ALKBH8: variants seen among roughly 807,000 people sequenced by gnomAD.
ALKBH8 encodes the protein alkB homolog 8, tRNA methyltransferase, also known as tRNA (carboxymethyluridine(34)-5-O)-methyltransferase ALKBH8.
Under a neutral mutation model 59.8 loss-of-function variants are expected in ALKBH8, and 36 were observed. The observed-to-expected ratio is 0.60, with a 90% CI of 0.46 to 0.79. The LOEUF (loss-of-function observed/expected upper bound fraction) is 0.79. ALKBH8 is among the 30% of genes least tolerant of loss of function. The pLI, the probability that ALKBH8 is intolerant of heterozygous loss-of-function variation, is 0.00. For missense variants in ALKBH8, 768 were observed against 801.0 expected (o/e 0.96, Z 0.50); for synonymous variants, 276 against 273.6 (o/e 1.01, Z -0.09).
At chr11:107,556,149 A>G (rs1176104682) in intron 3 of ALKBH8, among the ~76,000 whole-genome samples, 1 of 152,078 alleles carries the variant, frequency 6.6e-6, no homozygotes, top group East Asian at 1.9e-4. Context: ...ATGGTGGCAC[A>G]TGCCTGTAAT....
chr11:107,524,835 A>G (rs141952793), intron 9 of ALKBH8, among the ~76,000 whole-genome samples: 20 of 152,204 alleles, frequency 1.3e-4, no homozygotes, highest in Admixed American at 1.3e-3. Flanking sequence ...TATTATTACT[A>G]TCATTACAAA....
chr11:107,524,251 A>AG lies in ALKBH8; in HGVS notation c.1030+1189dup, dbSNP rs1256260504. Reference sequence around the variant, plus strand: ...ATTTTGATTTTATTTTTTTGCAGACAGGGGGTCTTCCTATGTTGTCCAAGC... The same window carrying AG: ...ATTTTGATTTTATTTTTTTGCAGACAGGGGGGTCTTCCTATGTTGTCCAAGC... On this transcript the variant is annotated intron_variant, in intron 9 of 11. Transcript: ENST00000428149. Among the ~76,000 whole-genome samples the AG allele has an allele frequency of 3.3e-5, 5 of 151,984 alleles. No individual in the cohort carries two copies. The South Asian group carries it at 6.2e-4, about 19-fold the overall frequency.
chr11:107,561,188 A>G (rs971794730), intron 1 of ALKBH8, among the ~76,000 whole-genome samples: 1 of 152,196 alleles, frequency 6.6e-6, no homozygotes, highest in Non-Finnish European at 1.5e-5. Flanking sequence ...TTTACTTATG[A>G]GGTCCTAAGT....
At position 107,504,605 on chromosome 11, in the gene ALKBH8, T is replaced by A; in HGVS notation, c.*53A>T. The A allele has an allele frequency of 7.1e-7, 1 of 1,416,748 alleles. No homozygotes were observed. Among genetic ancestry groups the A allele is most frequent in the East Asian group, 2.5e-5 (1 of 39,810 alleles). 87.8% of individuals were successfully genotyped at this position (1,416,748 alleles called of 1,614,324 possible). ...AAAAGGGTAATTAATTTATTCTCTC[T>A]TTTTTTTTAAGTGAGCATTTCTTCT... On this transcript the variant is annotated 3_prime_UTR_variant, in exon 12 of 12. Coordinates refer to ENST00000428149, the MANE Select transcript of ALKBH8 (RefSeq NM_138775.3).
intron 7 of ALKBH8, among the ~76,000 whole-genome samples, chr11:107,541,838 T>C (rs1302946651): frequency 2.0e-5 from 3 of 152,130 alleles, no homozygotes; most frequent in Non-Finnish European, 2.9e-5. Context: ...CAAAGATGCT[T>C]ACCATGTTTA....
At chr11:107,548,396 C>T (rs955261884) in intron 7 of ALKBH8, among the ~76,000 whole-genome samples, 39 of 152,208 alleles carry the variant, frequency 2.6e-4, no homozygotes, top group African/African-American at 9.2e-4. Flanking sequence ...AAAGTTAACA[C>T]TCTGATCTCG....
In ALKBH8 at chr11:107,565,660, T is replaced by TC; in HGVS notation, c.-67dup. On this transcript the variant is annotated 5_prime_UTR_variant, in exon 1 of 12. It removes the in-frame stop codon of an upstream open reading frame in the 5' UTR. Transcript: ENST00000428149. The stretch of plus-strand genomic sequence containing the variant: ...GTGTGCCTTCTTCTTTGCCAGCCTC[T>TC]CCACTCTAGCACCAGAACACCGCAG... 3.9e-6 allele frequency: 6 copies of TC among 1,535,672 alleles called. No homozygotes were observed. The highest frequency in any genetic ancestry group is 1.7e-4 in the Middle Eastern group (1 of 5,990).
In ALKBH8 at chr11:107,559,750, G is replaced by A. The variant is rs1023480340; in HGVS notation, c.129+1015C>T. Among the ~76,000 whole-genome samples the A allele has an allele frequency of 4.6e-5, 7 of 152,122 alleles. No homozygotes were observed. In the East Asian group the frequency reaches 1.3e-3, roughly 29 times the overall value. ...GACATTAATATTTAACTCCAAGTAT[G>A]GGCCTTTTACCTCCTAAATTCAAAT... On this transcript the variant is annotated intron_variant, in intron 2 of 11. Coordinates refer to ENST00000428149, the MANE Select transcript of ALKBH8 (RefSeq NM_138775.3).
At chr11:107,545,679 C>G (rs1465986852) in intron 7 of ALKBH8, among the ~76,000 whole-genome samples, 1 of 152,212 alleles carries the variant, frequency 6.6e-6, no homozygotes, top group Non-Finnish European at 1.5e-5. Context: ...ATAGCTCTCT[C>G]TCTCTTCAAT....
At chr11:107,536,058 A>G (rs936323673) in intron 7 of ALKBH8, among the ~76,000 whole-genome samples, 1 of 152,218 alleles carries the variant, frequency 6.6e-6, no homozygotes, top group African/African-American at 2.4e-5. Context: ...TATTTTACCA[A>G]TCACTGAGTT....
intron 10 of ALKBH8, among the ~76,000 whole-genome samples, chr11:107,519,964 A>C (rs1025497341): frequency 6.6e-6 from 1 of 152,220 alleles, no homozygotes; most frequent in Non-Finnish European, 1.5e-5. Context: ...TTAACCATTG[A>C]AGTGCTATGC....
chr11:107,531,066 A>C (rs1863573202), intron 8 of ALKBH8, among the ~76,000 whole-genome samples: 1 of 152,168 alleles, frequency 6.6e-6, no homozygotes, highest in Non-Finnish European at 1.5e-5. Context: ...TTAATGGATC[A>C]CATCATCATT....
intron 7 of ALKBH8, among the ~76,000 whole-genome samples, chr11:107,543,206 G>A (rs1361527968): frequency 6.6e-6 from 1 of 151,960 alleles, no homozygotes; most frequent in African/African-American, 2.4e-5. Context: ...GCGTGGTGGT[G>A]GGCACCTGTA....
At chr11:107,537,558 G>C (rs1241339292) in intron 7 of ALKBH8, among the ~76,000 whole-genome samples, 2 of 152,074 alleles carry the variant, frequency 1.3e-5, no homozygotes, top group Admixed American at 6.6e-5. Flanking sequence ...CCTGTTGGAG[G>C]GGGTGGTGGG....
intron 11 of ALKBH8, among the ~76,000 whole-genome samples, chr11:107,506,755 A>C (rs1486794625): frequency 6.6e-6 from 1 of 152,194 alleles, no homozygotes; most frequent in African/African-American, 2.4e-5. Context: ...TCAGATACAC[A>C]CAAGCTGAGA....
At chr11:107,536,235 G>T (rs932067510) in intron 7 of ALKBH8, among the ~76,000 whole-genome samples, 1 of 152,178 alleles carries the variant, frequency 6.6e-6, no homozygotes, top group East Asian at 1.9e-4. Context: ...GAGTCTCTCT[G>T]AACCTATTCT....
At chr11:107,555,932 G>T (rs989008139) in intron 3 of ALKBH8, among the ~76,000 whole-genome samples, 1 of 152,176 alleles carries the variant, frequency 6.6e-6, no homozygotes, top group Non-Finnish European at 1.5e-5. Context: ...GGGCAGCACA[G>T]ACAGGAACAT....
intron 7 of ALKBH8, among the ~76,000 whole-genome samples, chr11:107,537,153 T>A (rs1010636276): frequency 6.6e-6 from 1 of 152,198 alleles, no homozygotes; most frequent in African/African-American, 2.4e-5. Context: ...GGTGCACAAA[T>A]CAAGAAGTGA....
At chr11:107,514,824 TA>T (rs925048891) in intron 10 of ALKBH8, among the ~76,000 whole-genome samples, 6 of 147,644 alleles carry the variant, frequency 4.1e-5, no homozygotes, top group South Asian at 2.1e-4. Flanking sequence ...ACCTGCCTAT[TA>T]AAAAAAAAAC....
Sources: gnomAD v4.1 joint callset for allele counts (sites outside exome capture counted in the v4.1 genomes callset) on GRCh38, gnomAD v4.1.1 for gene constraint, MANE v1.5 for transcripts, NCBI Gene and HGNC (gene_info 2026-07-23, HGNC 2026-07-21) for gene names.